Variants in SNX29 observed in about 807,000 individuals in gnomAD.
SNX29 encodes sorting nexin 29, also known as sorting nexin-29.
In SNX29, 78 loss-of-function variants were observed where a neutral mutation model predicts 102.1. The observed-to-expected ratio is 0.76, with a 90% confidence interval of 0.64 to 0.92. SNX29 has a LOEUF of 0.92. Among genes scored for constraint, SNX29 ranks in the 40% least tolerant of loss-of-function variants. SNX29 has a pLI of 0.00. For missense variants in SNX29, 1,280 were observed against 1,061.7 expected (o/e 1.21, Z -2.86); for synonymous variants, 580 against 414.5 (o/e 1.40, Z -4.85).
At position 12,568,720 on chromosome 16, in the gene SNX29, A is replaced by G. The variant is rs2079118168; in HGVS notation, c.*91A>G. ...GCTGGCCCCTCACCTCAGCGTGACA[A>G]CCACGTCCACCTGGTGATCCTGAGA... On this transcript the variant is annotated 3_prime_UTR_variant, in exon 21 of 21. Coordinates refer to ENST00000566228, the MANE Select transcript of SNX29 (RefSeq NM_032167.5). The G allele has an allele frequency of 6.6e-6, 10 of 1,516,876 alleles. No homozygotes were observed. The highest frequency in any genetic ancestry group is 7.9e-6 in the Non-Finnish European group (9 of 1,133,082). 94.0% of individuals were successfully genotyped at this position (1,516,876 alleles called of 1,614,324 possible).
At chr16:12,317,901 G>C (rs974696281) in intron 15 of SNX29, among the ~76,000 whole-genome samples, 2 of 152,338 alleles carry the variant, frequency 1.3e-5, no homozygotes, top group Non-Finnish European at 2.9e-5. Flanking sequence ...CCCAGGACCC[G>C]ACTGAGAGCT....
At chr16:12,349,893 A>G (rs891130224) in intron 15 of SNX29, among the ~76,000 whole-genome samples, 2 of 152,212 alleles carry the variant, frequency 1.3e-5, no homozygotes, top group African/African-American at 2.4e-5. Context: ...TTCTTTTTTA[A>G]AAAACTTTCA....
At chr16:12,539,226 C>G (rs566086907) in intron 20 of SNX29, among the ~76,000 whole-genome samples, 7 of 152,300 alleles carry the variant, frequency 4.6e-5, no homozygotes, top group South Asian at 4.1e-4. Flanking sequence ...AAGATATAGA[C>G]CAGTTCCTTC....
chr16:12,123,548 C>G (rs2054072995), intron 11 of SNX29, among the ~76,000 whole-genome samples: 1 of 152,100 alleles, frequency 6.6e-6, no homozygotes, highest in Non-Finnish European at 1.5e-5. Context: ...ACATATACAT[C>G]TATGCAGGGG....
At chr16:12,506,434 C>T (rs1323839809) in intron 19 of SNX29, among the ~76,000 whole-genome samples, 2 of 152,136 alleles carry the variant, frequency 1.3e-5, no homozygotes, top group Non-Finnish European at 2.9e-5. Flanking sequence ...TTCTAGTGCT[C>T]CTGACAAGGC....
At chr16:12,432,243 A>G (rs1402740434) in intron 18 of SNX29, among the ~76,000 whole-genome samples, 3 of 152,242 alleles carry the variant, frequency 2.0e-5, no homozygotes, top group Admixed American at 1.3e-4. Context: ...GCATTTACGC[A>G]TTCGCCAATT....
intron 18 of SNX29, among the ~76,000 whole-genome samples, chr16:12,449,924 A>G (rs1214630181): frequency 6.6e-6 from 1 of 152,212 alleles, no homozygotes; most frequent in Non-Finnish European, 1.5e-5. Context: ...CTTGAGTTGT[A>G]GCTTCCATAA....
chr16:12,295,680 A>G (rs2079958052), intron 15 of SNX29, among the ~76,000 whole-genome samples: 1 of 152,216 alleles, frequency 6.6e-6, no homozygotes, highest in African/African-American at 2.4e-5. Flanking sequence ...AAAAGTTTCA[A>G]TTCACTTATT....
chr16:12,109,542 GC>G (rs1212805967), intron 11 of SNX29, among the ~76,000 whole-genome samples: 1 of 152,062 alleles, frequency 6.6e-6, no homozygotes, highest in African/African-American at 2.4e-5. Context: ...AACCACAGCA[GC>G]CCCCTGTCAG....
intron 20 of SNX29, among the ~76,000 whole-genome samples, chr16:12,565,448 T>TC (rs1475380994): frequency 6.6e-6 from 1 of 151,886 alleles, no homozygotes; most frequent in African/African-American, 2.4e-5. Flanking sequence ...ACCTGCCCCC[T>TC]CCTCATCCTG....
intron 17 of SNX29, among the ~76,000 whole-genome samples, chr16:12,399,201 C>T (rs1275693926): frequency 2.0e-5 from 3 of 152,188 alleles, no homozygotes; most frequent in Non-Finnish European, 2.9e-5. Flanking sequence ...CAGGCACACA[C>T]CACCACGCCT....
chr16:12,572,521 A>C lies in SNX29; in HGVS notation c.*3892A>C, dbSNP rs1214693273. On this transcript the variant is annotated 3_prime_UTR_variant, in exon 21 of 21. Coordinates refer to ENST00000566228, the MANE Select transcript of SNX29 (RefSeq NM_032167.5). ...CTCGGCCTTCCTGCTCCACGTGCTC[A>C]AGCCCCCACAGGGGGCTGCGACACC... 1 of 1,064,114 alleles carries C rather than the reference A, an allele frequency of 9.4e-7. No homozygotes were observed. The highest frequency in any genetic ancestry group is 1.1e-6 in the Non-Finnish European group (1 of 878,508). The allele number at this position is 1,064,114 out of a possible 1,614,324, so 65.9% of individuals were successfully genotyped here. A position where few individuals can be genotyped will look rare whatever the true frequency, so the allele number is the denominator to read the frequency against.
intron 14 of SNX29, among the ~76,000 whole-genome samples, chr16:12,209,579 G>C (rs1431109037): frequency 6.6e-6 from 1 of 152,126 alleles, no homozygotes; most frequent in African/African-American, 2.4e-5. Flanking sequence ...GATCCTGGTG[G>C]GGCTCAACGG....
Position 12,471,722 on chromosome 16 carries a change from T to G in SNX29, c.2038-5997T>G, listed in dbSNP as rs376199799. ...TTTGTTTTTGCTTTTAAATTCAGGA[T>G]TAACATAAAATACAATCAGGTGTAT... is the stretch of plus-strand genomic sequence containing the variant. On this transcript the variant is annotated intron_variant, in intron 18 of 20. Transcript: ENST00000566228. Among the ~76,000 whole-genome samples the G allele has an allele frequency of 2.0e-3, 305 of 152,380 alleles. 2 individuals carry two copies. Among genetic ancestry groups the G allele is most frequent in the South Asian group, 0.011 (54 of 4,830 alleles).
rs886140044 is a variant in SNX29 at position 12,572,797 on chromosome 16, G to C, written c.*4168G>C. ...ACCCCACCTCACTCCTCCTTCCCCA[G>C]TACATCAGACTGGTTAGGAGGCATC... is the stretch of plus-strand genomic sequence containing the variant. On this transcript the variant is annotated 3_prime_UTR_variant, in exon 21 of 21. Coordinates refer to ENST00000566228, the MANE Select transcript of SNX29 (RefSeq NM_032167.5). The C allele has an allele frequency of 5.5e-5, 59 of 1,063,644 alleles. 1 individual carries two copies. The highest frequency in any genetic ancestry group is 8.4e-4 in the Middle Eastern group (2 of 2,388). 65.9% of individuals were successfully genotyped at this position (1,063,644 alleles called of 1,614,324 possible).
chr16:12,246,736 A>G (rs1324789411), intron 14 of SNX29, among the ~76,000 whole-genome samples: 5 of 152,194 alleles, frequency 3.3e-5, no homozygotes, highest in East Asian at 1.9e-4. Flanking sequence ...AGAAGGGCCA[A>G]TTGGTGGTAT....
intron 20 of SNX29, among the ~76,000 whole-genome samples, chr16:12,565,517 C>T (rs1044892919): frequency 5.3e-5 from 8 of 152,088 alleles, no homozygotes; most frequent in Admixed American, 2.0e-4. Flanking sequence ...AGACATGGCT[C>T]TGCTCCACAT....
At chr16:12,044,423 C>T (rs909133171) in intron 5 of SNX29, among the ~76,000 whole-genome samples, 1 of 152,104 alleles carries the variant, frequency 6.6e-6, no homozygotes, top group Admixed American at 6.6e-5. Context: ...AATTGTATGG[C>T]AAGACTCTAT....
At chr16:12,166,084 T>C (rs1222605242) in intron 13 of SNX29, among the ~76,000 whole-genome samples, 1 of 152,234 alleles carries the variant, frequency 6.6e-6, no homozygotes, top group Non-Finnish European at 1.5e-5. Flanking sequence ...GTATTAACAG[T>C]AGTAGTCATT....
Sources: gnomAD v4.1 joint callset for allele counts (sites outside exome capture counted in the v4.1 genomes callset) on GRCh38, gnomAD v4.1.1 for gene constraint, MANE v1.5 for transcripts, NCBI Gene and HGNC (gene_info 2026-07-23, HGNC 2026-07-21) for gene names.